The following MIPEP variants were observed in gnomAD, a reference collection of about 807,000 sequenced individuals.
MIPEP encodes the protein mitochondrial intermediate peptidase.
Under a neutral mutation model 90.3 loss-of-function variants are expected in MIPEP, and 79 were observed. That is an observed-to-expected ratio of 0.87 (90% CI 0.73 to 1.05). The LOEUF (loss-of-function observed/expected upper bound fraction) is 1.05, where lower values mean the gene tolerates loss of function less well. MIPEP is among the 50% of genes least tolerant of loss of function. The pLI is 0.00. For missense variants in MIPEP, 940 were observed against 905.6 expected, an observed-to-expected ratio of 1.04 and a Z score of -0.49; for synonymous variants, 334 against 315.8, an observed-to-expected ratio of 1.06 and a Z score of -0.61.
intron 16 of MIPEP, among the ~76,000 whole-genome samples, chr13:23,770,673 C>T (rs1035529895): frequency 1.4e-4 from 21 of 152,146 alleles, no homozygotes; most frequent in Non-Finnish European, 3.1e-4. Flanking sequence ...CCTTCAGAGC[C>T]ACTCACCCAC....
At chr13:23,872,814 T>G (rs762247948) in intron 5 of MIPEP, among the ~76,000 whole-genome samples, 1 of 141,598 alleles carries the variant, frequency 7.1e-6, no homozygotes, top group Non-Finnish European at 1.6e-5. Flanking sequence ...AAAGCACCCT[T>G]CATAAGGATA....
chr13:23,881,628 C>T, intron 3 of MIPEP, 71 bp downstream of exon 3: 2 of 1,332,822 alleles, frequency 1.5e-6, no homozygotes, highest in South Asian at 1.2e-5. Flanking sequence ...ACAAAACTGC[C>T]TACGGCACAA....
At chr13:23,733,294 T>G (rs961058232) in intron 18 of MIPEP, among the ~76,000 whole-genome samples, 1 of 151,742 alleles carries the variant, frequency 6.6e-6, no homozygotes, top group Admixed American at 6.6e-5. Context: ...GCCTTTTAGG[T>G]GGAGGAGACA....
intron 10 of MIPEP, among the ~76,000 whole-genome samples, chr13:23,853,042 G>A (rs1869874050): frequency 6.6e-6 from 1 of 152,138 alleles, no homozygotes; most frequent in Non-Finnish European, 1.5e-5. Context: ...CAATGTGCTT[G>A]TGTTTCAAGC....
chr13:23,808,790 G>A (rs940635878), intron 15 of MIPEP, among the ~76,000 whole-genome samples: 2 of 151,968 alleles, frequency 1.3e-5, no homozygotes, highest in Non-Finnish European at 2.9e-5. Context: ...ATAGATTCAC[G>A]GTTTTGTCTA....
intron 16 of MIPEP, among the ~76,000 whole-genome samples, chr13:23,788,679 G>A (rs1040546043): frequency 2.0e-5 from 3 of 152,160 alleles, no homozygotes; most frequent in Admixed American, 6.5e-5. Context: ...CACATGATGC[G>A]CACTAGTTTA....
At chr13:23,766,868 G>C (rs1952595556) in intron 16 of MIPEP, among the ~76,000 whole-genome samples, 1 of 152,238 alleles carries the variant, frequency 6.6e-6, no homozygotes, top group African/African-American at 2.4e-5. Flanking sequence ...CTAACCAACT[G>C]AATATGGCAG....
intron 14 of MIPEP, among the ~76,000 whole-genome samples, chr13:23,830,908 A>C (rs1488763643): frequency 6.6e-6 from 1 of 152,214 alleles, no homozygotes; most frequent in Non-Finnish European, 1.5e-5. Flanking sequence ...CTGGCAGCCC[A>C]GCTCCAGGCA....
chr13:23,872,511 T>C (rs1870862565), intron 5 of MIPEP, among the ~76,000 whole-genome samples: 1 of 152,080 alleles, frequency 6.6e-6, no homozygotes, highest in Non-Finnish European at 1.5e-5. Flanking sequence ...GGAAAGAACA[T>C]AGGCTTTGAT....
chr13:23,760,250 C>T, intron 16 of MIPEP, 33 bp from the exon 17 acceptor site: 2 of 1,613,618 alleles, frequency 1.2e-6, no homozygotes, highest in Non-Finnish European at 8.5e-7. Flanking sequence ...GCACGGGACA[C>T]AAGTCAGTTT....
At chr13:23,820,012 TAA>T (rs767277792) in intron 14 of MIPEP, among the ~76,000 whole-genome samples, 7 of 130,512 alleles carry the variant, frequency 5.4e-5, no homozygotes, top group African/African-American at 5.6e-5. Flanking sequence ...TCCATCTCAA[TAA>T]AAAAAAAAAA....
chr13:23,767,995 G>A (rs1385237052), intron 16 of MIPEP, among the ~76,000 whole-genome samples: 1 of 152,168 alleles, frequency 6.6e-6, no homozygotes, highest in African/African-American at 2.4e-5. Context: ...GTGGCTGTGC[G>A]ACTATATTCT....
At chr13:23,869,631 C>T (rs548068091) in intron 6 of MIPEP, among the ~76,000 whole-genome samples, 183 bp from the exon 7 acceptor site, 1 of 152,286 alleles carries the variant, frequency 6.6e-6, no homozygotes, top group South Asian at 2.1e-4. Flanking sequence ...CAATAGCATA[C>T]TTGACTGCAG....
intron 10 of MIPEP, among the ~76,000 whole-genome samples, chr13:23,846,917 T>C (rs754393409): frequency 2.0e-5 from 3 of 152,198 alleles, no homozygotes; most frequent in Non-Finnish European, 4.4e-5. Context: ...ATATCTCATT[T>C]AACAGCAAAA....
chr13:23,732,215 C>G (rs1282380798), intron 18 of MIPEP, among the ~76,000 whole-genome samples: 2 of 151,964 alleles, frequency 1.3e-5, no homozygotes, highest in African/African-American at 4.8e-5. Flanking sequence ...TCTTGAACTT[C>G]TGGGCTCAAG....
intron 14 of MIPEP, among the ~76,000 whole-genome samples, chr13:23,828,744 C>T (rs1868593772): frequency 1.3e-5 from 2 of 152,030 alleles, no homozygotes. Flanking sequence ...TCCAAATTGG[C>T]CTAGAAATTT....
intron 5 of MIPEP, among the ~76,000 whole-genome samples, chr13:23,871,653 G>A (rs1310935644): frequency 6.6e-6 from 1 of 152,164 alleles, no homozygotes; most frequent in Middle Eastern, 3.2e-3. Flanking sequence ...AAACATAGAT[G>A]ATGTAGAGGC....
At chr13:23,732,679 T>C (rs1176787169) in intron 18 of MIPEP, among the ~76,000 whole-genome samples, 1 of 152,228 alleles carries the variant, frequency 6.6e-6, no homozygotes, top group Non-Finnish European at 1.5e-5. Flanking sequence ...TACATACTGT[T>C]TGATTCCATT....
intron 16 of MIPEP, among the ~76,000 whole-genome samples, chr13:23,787,007 C>G (rs549358489): frequency 6.6e-6 from 1 of 152,200 alleles, no homozygotes; most frequent in East Asian, 1.9e-4. Context: ...CAACTAGGAG[C>G]AGAAGTCACA....
Sources: gnomAD v4.1 joint callset for allele counts (sites outside exome capture counted in the v4.1 genomes callset) on GRCh38, gnomAD v4.1.1 for gene constraint, MANE v1.5 for transcripts, NCBI Gene and HGNC (gene_info 2026-07-23, HGNC 2026-07-21) for gene names.